LRMDA: variants seen among roughly 807,000 people sequenced by gnomAD.
LRMDA encodes the protein leucine rich melanocyte differentiation associated, also known as leucine-rich melanocyte differentiation-associated protein.
In LRMDA, 18 loss-of-function variants were observed where a neutral mutation model predicts 29.8. That is an observed-to-expected ratio of 0.60 (90% CI 0.42 to 0.90). The LOEUF (loss-of-function observed/expected upper bound fraction) is 0.90. LRMDA is among the 40% of genes least tolerant of loss of function. LRMDA has a pLI of 0.00. For missense variants in LRMDA, 273 were observed against 273.9 expected (o/e 1.00, Z 0.02); for synonymous variants, 125 against 109.4 (o/e 1.14, Z -0.89).
chr10:76,326,415 C>T lies in LRMDA; in HGVS notation c.601+1930C>T, dbSNP rs531160738. On this transcript the variant is annotated intron_variant, in intron 6 of 6. Transcript: ENST00000611255. The stretch of plus-strand genomic sequence containing the variant: ...TTCAAGTTTCTGATCATGTACATCA[C>T]GAAAACATTTGAATGTCATTTGTTA... Among the ~76,000 whole-genome samples, 53 of 152,234 alleles carry T rather than the reference C, an allele frequency of 3.5e-4. 1 individual carries two copies. Among genetic ancestry groups the T allele is most frequent in the South Asian group, 3.1e-3 (15 of 4,822 alleles).
At chr10:76,160,715 C>T (rs1850631580) in intron 5 of LRMDA, among the ~76,000 whole-genome samples, 1 of 152,126 alleles carries the variant, frequency 6.6e-6, no homozygotes, top group Admixed American at 6.6e-5. Context: ...GTGCTGTTTA[C>T]AATCTATCTC....
chr10:76,141,212 T>A (rs1850193457), intron 5 of LRMDA, among the ~76,000 whole-genome samples: 1 of 152,120 alleles, frequency 6.6e-6, no homozygotes, highest in Non-Finnish European at 1.5e-5. Flanking sequence ...TTAATAAGCT[T>A]CTATTTGTTC....
intron 2 of LRMDA, among the ~76,000 whole-genome samples, chr10:75,805,390 G>A (rs577816818): frequency 6.6e-6 from 1 of 152,334 alleles, no homozygotes; most frequent in African/African-American, 2.4e-5. Context: ...GTATGGCACT[G>A]AAGGAACCTT....
At chr10:75,473,401 G>A (rs888870487) in intron 2 of LRMDA, among the ~76,000 whole-genome samples, 1 of 152,224 alleles carries the variant, frequency 6.6e-6, no homozygotes, top group Non-Finnish European at 1.5e-5. Context: ...GACAGTAAGT[G>A]TTACTCAAAA....
At chr10:76,402,331 T>A (rs1841857894) in intron 6 of LRMDA, 1 of 152,180 alleles carries the variant, frequency 6.6e-6, no homozygotes, top group Non-Finnish European at 1.5e-5. Flanking sequence ...TAAGGTAAGA[T>A]GAAGCTGATC....
At chr10:75,497,004 C>G (rs1431495314) in intron 2 of LRMDA, among the ~76,000 whole-genome samples, 1 of 145,418 alleles carries the variant, frequency 6.9e-6, no homozygotes. Flanking sequence ...TTTTTCTTTT[C>G]TTTAAAGGGA....
chr10:75,897,521 C>T (rs970471684), intron 2 of LRMDA, among the ~76,000 whole-genome samples: 3 of 152,160 alleles, frequency 2.0e-5, no homozygotes, highest in African/African-American at 4.8e-5. Context: ...TTCATTCTTA[C>T]CTCTACCGAA....
chr10:76,091,366 T>C (rs1318085971), intron 5 of LRMDA, among the ~76,000 whole-genome samples: 1 of 151,830 alleles, frequency 6.6e-6, no homozygotes, highest in African/African-American at 2.4e-5. Flanking sequence ...ATGGACTTCT[T>C]TCTGGGCTGA....
chr10:75,716,950 A>C (rs2132183367), intron 2 of LRMDA, among the ~76,000 whole-genome samples: 1 of 152,202 alleles, frequency 6.6e-6, no homozygotes, highest in Middle Eastern at 3.4e-3. Context: ...AGCTGTGAAA[A>C]ATCTCACCAA....
At chr10:75,887,708 G>T (rs1415871165) in intron 2 of LRMDA, among the ~76,000 whole-genome samples, 1 of 152,130 alleles carries the variant, frequency 6.6e-6, no homozygotes, top group Non-Finnish European at 1.5e-5. Context: ...TACAGAAAAA[G>T]CTTGGTGACC....
chr10:75,825,385 G>T (rs531569657), intron 2 of LRMDA, among the ~76,000 whole-genome samples: 9 of 152,312 alleles, frequency 5.9e-5, no homozygotes, highest in Admixed American at 1.3e-4. Context: ...AGGGCGCTAG[G>T]CACGTGATTT....
intron 2 of LRMDA, among the ~76,000 whole-genome samples, chr10:75,916,144 G>A (rs1011793265): frequency 6.6e-6 from 1 of 150,912 alleles, no homozygotes; most frequent in Non-Finnish European, 1.5e-5. Flanking sequence ...TCAGGAATGG[G>A]CATGGCCATT....
intron 2 of LRMDA, among the ~76,000 whole-genome samples, chr10:75,887,765 T>G (rs1485211601): frequency 6.6e-6 from 1 of 152,156 alleles, no homozygotes; most frequent in African/African-American, 2.4e-5. Flanking sequence ...TCTACTACCA[T>G]AAGGCAGGGG....
intron 2 of LRMDA, among the ~76,000 whole-genome samples, chr10:75,813,770 TG>T (rs1462834809): frequency 1.3e-5 from 2 of 152,228 alleles, no homozygotes; most frequent in Non-Finnish European, 2.9e-5. Flanking sequence ...AGCTCTTGGT[TG>T]GAAGACAGGG....
intron 5 of LRMDA, among the ~76,000 whole-genome samples, chr10:76,201,720 A>T (rs2132233328): frequency 6.6e-6 from 1 of 152,298 alleles, no homozygotes; most frequent in African/African-American, 2.4e-5. Flanking sequence ...AGCCCTTGGA[A>T]ATCAACCAAT....
At chr10:75,431,908 A>G (rs1430342987) in intron 1 of LRMDA, among the ~76,000 whole-genome samples, 154 bp downstream of exon 1, 1 of 152,088 alleles carries the variant, frequency 6.6e-6, no homozygotes, top group Non-Finnish European at 1.5e-5. Flanking sequence ...GGCTCGCCCT[A>G]GTGGGGCTAG....
chr10:76,554,653 C>G (rs1397488902), intron 6 of LRMDA, among the ~76,000 whole-genome samples: 1 of 152,166 alleles, frequency 6.6e-6, no homozygotes, highest in Non-Finnish European at 1.5e-5. Flanking sequence ...TTTATCAATG[C>G]CAGCCAGAAA....
In LRMDA at chr10:76,554,801, GAA is replaced by G. The variant is rs34666734; in HGVS notation, c.602-2400_602-2399del. 3.5e-3 allele frequency among the ~76,000 whole-genome samples: 536 copies of G among 151,492 alleles called. 7 individuals carry two copies. The highest frequency in any genetic ancestry group is 0.013 in the African/African-American group (522 of 41,144). ...CGAAGTTTACCCTGGAGAAAGGGAAGAAAAAAAAAGCAGTTGAATCCGTGAAT... is the reference window on the plus strand; with the variant it reads ...CGAAGTTTACCCTGGAGAAAGGGAAGAAAAAAAGCAGTTGAATCCGTGAAT... On this transcript the variant is annotated intron_variant, in intron 6 of 6. Coordinates refer to ENST00000611255, the MANE Select transcript of LRMDA (RefSeq NM_001305581.2).
chr10:75,837,228 C>T (rs866559937), intron 2 of LRMDA, among the ~76,000 whole-genome samples: 4 of 151,886 alleles, frequency 2.6e-5, no homozygotes, highest in South Asian at 2.1e-4. Context: ...TATTCATGAG[C>T]GATAGTATTA....
Sources: gnomAD v4.1 joint callset for allele counts (sites outside exome capture counted in the v4.1 genomes callset) on GRCh38, gnomAD v4.1.1 for gene constraint, MANE v1.5 for transcripts, NCBI Gene and HGNC (gene_info 2026-07-23, HGNC 2026-07-21) for gene names.